The following TNKS2 variants were observed in gnomAD, a reference collection of about 807,000 sequenced individuals.
TNKS2 encodes the protein tankyrase 2.
A neutral mutation model predicts 137.6 loss-of-function variants in TNKS2; 72 were observed. The ratio of observed to expected loss-of-function variants is 0.52; its 90% confidence interval spans 0.43 to 0.64. The LOEUF is 0.64. Ranked by LOEUF, TNKS2 falls within the 30% of genes least tolerant of loss-of-function variation. The pLI, the probability that TNKS2 is intolerant of heterozygous loss-of-function variation, is 0.00. For missense variants in TNKS2, 1,049 were observed against 1,410.2 expected, an observed-to-expected ratio of 0.74 and a Z score of 4.10; for synonymous variants, 516 against 512.1, an observed-to-expected ratio of 1.01 and a Z score of -0.10.
rs532326200 is a variant in TNKS2, at chr10:91,845,941, G to A, written c.2358+1G>A. The A allele has an allele frequency of 2.0e-6, 3 of 1,526,418 alleles. No homozygotes were observed. Among genetic ancestry groups the A allele is most frequent in the Non-Finnish European group, 2.7e-6 (3 of 1,124,006 alleles). The allele number at this position is 1,526,418 out of a possible 1,614,324, so 94.6% of individuals were successfully genotyped here. On this transcript the variant is annotated splice_donor_variant, in intron 18 of 26. Coordinates refer to ENST00000371627, the MANE Select transcript of TNKS2 (RefSeq NM_025235.4). LOFTEE classifies it high-confidence loss of function. ...ACAAACACCTTTAGATTTAGTTTCA[G>A]TAAGTGATGGGCTTTTTGAAAAATC...
intron 2 of TNKS2, among the ~76,000 whole-genome samples, chr10:91,816,395 A>G (rs1234618886): frequency 6.6e-6 from 1 of 152,128 alleles, no homozygotes; most frequent in Non-Finnish European, 1.5e-5. Context: ...ACCCTTATTT[A>G]TATATCCCTC....
chr10:91,859,385 T>C, intron 24 of TNKS2, 77 bp from the exon 25 acceptor site: 2 of 1,244,124 alleles, frequency 1.6e-6, no homozygotes, highest in East Asian at 2.7e-5. Flanking sequence ...AAGAATTCAG[T>C]TTCTAAGAAA....
At chr10:91,840,236 A>C (rs1040135634) in intron 13 of TNKS2, among the ~76,000 whole-genome samples, 1 of 152,268 alleles carries the variant, frequency 6.6e-6, no homozygotes, top group South Asian at 2.1e-4. Context: ...GCTGCTCGGG[A>C]GGCTGAGGCA....
chr10:91,863,124 A>C lies in TNKS2; in HGVS notation c.*125A>C, dbSNP rs1842895332. On this transcript the variant is annotated 3_prime_UTR_variant, in exon 27 of 27. Transcript: ENST00000371627. ...ACAGGCCTGTGGCAAAAGGATAAAA[A>C]TGTGAACGAAGTTTAACATTCTGAC... is the stretch of plus-strand genomic sequence containing the variant. The C allele has an allele frequency of 1.6e-6, 1 of 615,460 alleles. No individual in the cohort carries two copies. The highest frequency in any genetic ancestry group is 2.8e-5 in the East Asian group (1 of 35,190). 38.1% of individuals were successfully genotyped at this position (615,460 alleles called of 1,614,324 possible). A position where few individuals can be genotyped will look rare whatever the true frequency, so the allele number is the denominator to read the frequency against.
At chr10:91,854,694 G>A (rs927372770) in intron 21 of TNKS2, among the ~76,000 whole-genome samples, 8 of 151,798 alleles carry the variant, frequency 5.3e-5, no homozygotes, top group Admixed American at 2.0e-4. Context: ...ACCTGAGGTC[G>A]GGAGTTCGAG....
intron 16 of TNKS2, among the ~76,000 whole-genome samples, chr10:91,844,352 A>G (rs2072953208): frequency 6.6e-6 from 1 of 152,222 alleles, no homozygotes; most frequent in Non-Finnish European, 1.5e-5. Flanking sequence ...TATAATAGAA[A>G]TAAGTTTTAT....
At chr10:91,833,179 G>GTAGT (rs1173388662) in intron 11 of TNKS2, among the ~76,000 whole-genome samples, 1 of 152,164 alleles carries the variant, frequency 6.6e-6, no homozygotes, top group Non-Finnish European at 1.5e-5. Context: ...CATGGCAGAA[G>GTAGT]TAGTGCACAG....
intron 1 of TNKS2, among the ~76,000 whole-genome samples, chr10:91,809,413 T>A (rs557401694): frequency 2.6e-4 from 40 of 152,252 alleles, no homozygotes; most frequent in Admixed American, 2.6e-4. Flanking sequence ...ACGCCTGTAA[T>A]CCCAGCACTT....
chr10:91,836,780 C>G (rs1304567093), intron 12 of TNKS2, 139 bp from the exon 13 acceptor site: 3 of 1,396,314 alleles, frequency 2.1e-6, no homozygotes, highest in African/African-American at 1.5e-5. Context: ...CCCTCACCCC[C>G]CTTACTACCA....
chr10:91,826,796 TA>T (rs1290286779), intron 7 of TNKS2, among the ~76,000 whole-genome samples: 1 of 152,196 alleles, frequency 6.6e-6, no homozygotes, highest in Non-Finnish European at 1.5e-5. Flanking sequence ...TAACTGTTCT[TA>T]AAAGTAGAAA....
At chr10:91,862,845 C>A in intron 26 of TNKS2, 92 bp from the exon 27 acceptor site, 1 of 821,750 alleles carries the variant, frequency 1.2e-6, no homozygotes, top group Non-Finnish European at 2.0e-6. Context: ...AATTTAGAAC[C>A]TCCTCCCTAA....
intron 3 of TNKS2, among the ~76,000 whole-genome samples, chr10:91,818,821 A>G (rs1844793022): frequency 6.6e-6 from 1 of 152,088 alleles, no homozygotes; most frequent in Non-Finnish European, 1.5e-5. Flanking sequence ...ACATGAGCCA[A>G]TACACCCGGA....
intron 7 of TNKS2, among the ~76,000 whole-genome samples, chr10:91,823,797 G>A (rs557483986): frequency 6.6e-6 from 1 of 152,280 alleles, no homozygotes; most frequent in East Asian, 1.9e-4. Context: ...AGAGAAAGAG[G>A]ACACTTGTTT....
In TNKS2 at chr10:91,830,908, A is replaced by T; in HGVS notation, c.1105-15A>T. On this transcript the variant is annotated splice_polypyrimidine_tract_variant and intron_variant, in intron 9 of 26. Transcript: ENST00000371627. ...TGTATAGTCCTTGATTAATGCTGCA[A>T]TTTAAATTATTTAGCATTGTGCTGC... 6.3e-7 allele frequency: 1 copy of T among 1,585,586 alleles called. No homozygotes were observed. The highest frequency in any genetic ancestry group is 1.1e-5 in the South Asian group (1 of 88,302).
At chr10:91,826,719 T>G (rs1366367448) in intron 7 of TNKS2, among the ~76,000 whole-genome samples, 1 of 152,198 alleles carries the variant, frequency 6.6e-6, no homozygotes, top group Non-Finnish European at 1.5e-5. Context: ...TCACTGTATG[T>G]CAGCTATACC....
At chr10:91,844,520 CT>C (rs1426844532) in intron 16 of TNKS2, among the ~76,000 whole-genome samples, 1 of 152,100 alleles carries the variant, frequency 6.6e-6, no homozygotes, top group African/African-American at 2.4e-5. Context: ...AGACCTTTGA[CT>C]TGCAGCCTCT....
chr10:91,824,793 A>T (rs1189435396), intron 7 of TNKS2, among the ~76,000 whole-genome samples: 1 of 152,236 alleles, frequency 6.6e-6, no homozygotes, highest in East Asian at 1.9e-4. Flanking sequence ...AGTAAGATTA[A>T]TGGGGCTCAG....
intron 17 of TNKS2, among the ~76,000 whole-genome samples, chr10:91,845,465 A>T (rs373325416): frequency 1.2e-4 from 19 of 152,356 alleles, no homozygotes; most frequent in South Asian, 1.0e-3. Context: ...GACATTTAGT[A>T]GTTATAACAT....
chr10:91,816,735 T>A (rs1002311829), intron 2 of TNKS2, among the ~76,000 whole-genome samples: 2 of 151,772 alleles, frequency 1.3e-5, no homozygotes, highest in South Asian at 2.1e-4. Flanking sequence ...CCAGGCTATC[T>A]ATAGCTTTAG....
Sources: allele counts gnomAD v4.1 joint callset (sites outside exome capture counted in the v4.1 genomes callset), GRCh38; gene constraint gnomAD v4.1.1; transcripts MANE v1.5; gene names NCBI Gene and HGNC (gene_info 2026-07-23, HGNC 2026-07-21).